The following RAB34 variants were observed in gnomAD, a reference collection of about 807,000 sequenced individuals.
RAB34 encodes ras-related protein Rab-34.
RAB34 carries 33 observed loss-of-function variants against 39.0 expected under a neutral mutation model. That is an observed-to-expected ratio of 0.85 (90% CI 0.64 to 1.13). RAB34 has a LOEUF of 1.13. Ranked by LOEUF, RAB34 falls within the 50% of genes most tolerant of loss-of-function variation. The pLI, the probability that RAB34 is intolerant of heterozygous loss-of-function variation, is 0.00. For synonymous variants in RAB34, 135 were observed against 125.1 expected (o/e 1.08, Z -0.53); for missense variants, 289 against 326.1 (o/e 0.89, Z 0.88).
chr17:28,718,171 G>A, upstream of RAB34: 1 of 1,609,384 alleles, frequency 6.2e-7, no homozygotes, highest in Non-Finnish European at 8.5e-7. Context: ...AGCATCTGGC[G>A]ATGCCAGGAA....
chr17:28,716,094 C>T (rs371666504), intron 2 of RAB34, 36 bp from the exon 3 acceptor site: 157 of 1,612,676 alleles, frequency 9.7e-5, no homozygotes, highest in African/African-American at 1.3e-4. Context: ...GGAGTGGGCA[C>T]GAGCTCTTTC....
Position 28,717,850 on chromosome 17 carries a change from C to G in RAB34, c.-584G>C. 7 of 1,347,394 alleles carry G rather than the reference C, an allele frequency of 5.2e-6. No homozygotes were observed. The highest frequency in any genetic ancestry group is 6.6e-6 in the Non-Finnish European group (7 of 1,057,064). The allele number at this position is 1,347,394 out of a possible 1,614,324, so 83.5% of individuals were successfully genotyped here. A position where few individuals can be genotyped will look rare whatever the true frequency, so the allele number is the denominator to read the frequency against. On this transcript the variant is annotated 5_prime_UTR_variant, in exon 1 of 10. Coordinates refer to ENST00000395245, the MANE Select transcript of RAB34 (RefSeq NM_031934.6). ...ACAGGGCCTCGAGTCCCACTCCGCT[C>G]GGGCTCCGCCAACGCTGTAACACGA...
intron 2 of RAB34, chr17:28,716,603 C>G (rs1229855379): frequency 8.8e-6 from 3 of 339,038 alleles, no homozygotes; most frequent in Non-Finnish European, 1.6e-5. Context: ...AGCCAGACCC[C>G]TGCCCTGGGG....
chr17:28,718,359 G>T, upstream of RAB34: 2 of 1,081,718 alleles, frequency 1.8e-6, no homozygotes, highest in Non-Finnish European at 2.6e-6. Context: ...GGGTTAGAAT[G>T]AGGTGCCCAC....
Position 28,714,470 on chromosome 17 carries a change from G to GCT in RAB34, c.*172_*173insAG. ...TCCAGTCTTTGGCACGGTGCCTGGGGGCAGGAAGTGACTAGCATGATCCCA... is the reference window on the plus strand; with the variant it reads ...TCCAGTCTTTGGCACGGTGCCTGGGGCTGCAGGAAGTGACTAGCATGATCCCA... On this transcript the variant is annotated 3_prime_UTR_variant, in exon 10 of 10. Coordinates refer to ENST00000395245, the MANE Select transcript of RAB34 (RefSeq NM_031934.6). The GCT allele has an allele frequency of 6.9e-7, 1 of 1,442,904 alleles. No homozygotes were observed. The highest frequency in any genetic ancestry group is 9.7e-7 in the Non-Finnish European group (1 of 1,031,524). 89.4% of individuals were successfully genotyped at this position (1,442,904 alleles called of 1,614,324 possible).
At chr17:28,718,015 G>T, upstream of RAB34, 1 of 1,319,474 alleles carries the variant, frequency 7.6e-7, no homozygotes, top group Non-Finnish European at 1.0e-6. Context: ...GCTTCACCGG[G>T]CACCAGGACC....
chr17:28,714,653 CAT>C lies in RAB34; in HGVS notation c.768_769del (p.Cys257LeufsTer27). On this transcript the variant is annotated frameshift_variant, in exon 10 of 10. Coordinates refer to ENST00000395245, the MANE Select transcript of RAB34 (RefSeq NM_031934.6). LOFTEE classifies it high-confidence loss of function. ...CAGTCTCCTCAGCCCTCATGGGCAA[CAT>C]GTGGGCTTCTTCTTGCTGGCAGTTA... 6.2e-7 allele frequency: 1 copy of C among 1,614,142 alleles called. No homozygotes were observed. The highest frequency in any genetic ancestry group is 8.5e-7 in the Non-Finnish European group (1 of 1,180,006).
At chr17:28,715,358 CTCTGGTCCTACATGCAT>C in intron 6 of RAB34, 81 bp downstream of exon 6, 1 of 1,583,200 alleles carries the variant, frequency 6.3e-7, no homozygotes, top group Non-Finnish European at 8.6e-7. Context: ...ATTACCCCCT[CTCTGGTCCTACATGCAT>C]TCTTCTTCTT....
Position 28,715,839 on chromosome 17 carries a change from T to A in RAB34, c.275A>T (p.Glu92Val). 6.2e-7 allele frequency: 1 copy of A among 1,613,982 alleles called. No homozygotes were observed. The highest frequency in any genetic ancestry group is 8.5e-7 in the Non-Finnish European group (1 of 1,179,980). Residue 92 changes from glutamate to valine, a missense_variant, in exon 4 of 10, where the codon GAA becomes GTA. Coordinates refer to ENST00000395245, the MANE Select transcript of RAB34 (RefSeq NM_031934.6). ...GGGAATGCCCAGCACCTCAAATCGTTCCATCTCGAAGTCCACTCCAATGGT... is the reference window on the plus strand; with the variant it reads ...GGGAATGCCCAGCACCTCAAATCGTACCATCTCGAAGTCCACTCCAATGGT... ...KATIGVDFEM[E>V]RFEVLGIPFS...
chr17:28,716,619 T>C, intron 2 of RAB34: 2 of 349,792 alleles, frequency 5.7e-6, no homozygotes, highest in South Asian at 9.5e-5. Context: ...TGGGGCTCCA[T>C]GGATGCTATG....
chr17:28,714,443 C>T lies in RAB34; in HGVS notation c.*200G>A. On this transcript the variant is annotated 3_prime_UTR_variant, in exon 10 of 10. Transcript: ENST00000395245. ...GGACAGTCCCCTGAGGAGTAGGGGG[C>T]ATCCAGTCTTTGGCACGGTGCCTGG... is the stretch of plus-strand genomic sequence containing the variant. 9.0e-7 allele frequency: 1 copy of T among 1,106,506 alleles called. No individual in the cohort carries two copies. Among genetic ancestry groups the T allele is most frequent in the Non-Finnish European group, 1.3e-6 (1 of 742,776 alleles). The allele number at this position is 1,106,506 out of a possible 1,614,324, so 68.5% of individuals were successfully genotyped here. A position where few individuals can be genotyped will look rare whatever the true frequency, so the allele number is the denominator to read the frequency against.
In RAB34 at chr17:28,716,062, CT is replaced by C; in HGVS notation, c.147-5del. On this transcript the variant is annotated splice_polypyrimidine_tract_variant and splice_region_variant and intron_variant, in intron 2 of 9. Coordinates refer to ENST00000395245, the MANE Select transcript of RAB34 (RefSeq NM_031934.6). ...AATGACCTTGGAGATCTTAAATCTGCTGGACACAAGAGTGGGCAAGGGGAGT... is the reference window on the plus strand; with the variant it reads ...AATGACCTTGGAGATCTTAAATCTGCGGACACAAGAGTGGGCAAGGGGAGT... The C allele has an allele frequency of 1.9e-6, 3 of 1,613,930 alleles. No individual in the cohort carries two copies. The highest frequency in any genetic ancestry group is 2.5e-6 in the Non-Finnish European group (3 of 1,180,004).
At chr17:28,717,145 T>C in intron 1 of RAB34, 68 bp downstream of exon 1, 1 of 1,540,680 alleles carries the variant, frequency 6.5e-7, no homozygotes. Flanking sequence ...CTAACTGGTC[T>C]GGTGCCGCCT....
In RAB34 at chr17:28,717,311, G is replaced by A. The variant is rs1396371970; in HGVS notation, c.-45C>T. 1.9e-6 allele frequency: 3 copies of A among 1,556,472 alleles called. No homozygotes were observed. Among genetic ancestry groups the A allele is most frequent in the Non-Finnish European group, 2.6e-6 (3 of 1,155,136 alleles). On this transcript the variant is annotated 5_prime_UTR_variant, in exon 1 of 10. Coordinates refer to ENST00000395245, the MANE Select transcript of RAB34 (RefSeq NM_031934.6). ...GGCGCCCTGAGAAGGCGCCGAGGCC[G>A]GATCCGCGTCAGCGACCCGGGCGCG... is the stretch of plus-strand genomic sequence containing the variant.
Position 28,716,022 on chromosome 17 carries a change from C to G in RAB34, c.183G>C (p.Leu61=). The change falls in exon 3 of 10, where the codon CTG becomes CTC. Residue 61 remains leucine, a synonymous_variant. Coordinates refer to ENST00000395245, the MANE Select transcript of RAB34 (RefSeq NM_031934.6). ...KISKVIVVGD[L]SVGKTCLINR... ...TAATGAGGCAAGTCTTCCCCACCGA[C>G]AGGTCCCCCACCACAATGACCTTGG... The G allele has an allele frequency of 6.2e-7, 1 of 1,614,060 alleles. No individual in the cohort carries two copies. Among genetic ancestry groups the G allele is most frequent in the Non-Finnish European group, 8.5e-7 (1 of 1,180,030 alleles).
At chr17:28,716,165 G>A (rs2033399118) in intron 2 of RAB34, 107 bp from the exon 3 acceptor site, 2 of 1,519,712 alleles carry the variant, frequency 1.3e-6, no homozygotes, top group East Asian at 2.3e-5. Context: ...CCAGGCTGAG[G>A]GTATTATAGA....
chr17:28,714,835 C>A lies in RAB34; in HGVS notation c.670G>T (p.Glu224Ter). The change falls in exon 9 of 10, where the codon GAG (glutamate) becomes TAG (stop). Residue 224 changes from glutamate (E) to a stop codon, truncating the protein, a stop_gained. Coordinates refer to ENST00000395245, the MANE Select transcript of RAB34 (RefSeq NM_031934.6). LOFTEE classifies it high-confidence loss of function. ...ALTFEANVLA[E>*]LEKSGARRIG... ...CGTCGAGCCCCCGATTTCTCCAGCT[C>A]AGCCAGCACATTGGCCTCAAAGGTC... 1 of 1,614,168 alleles carries A rather than the reference C, an allele frequency of 6.2e-7. No homozygotes were observed. The highest frequency in any genetic ancestry group is 8.5e-7 in the Non-Finnish European group (1 of 1,180,042).
intron 1 of RAB34, 62 bp downstream of exon 1, chr17:28,717,151 C>A: frequency 6.5e-7 from 1 of 1,545,170 alleles, no homozygotes; most frequent in Admixed American, 1.9e-5. Flanking sequence ...GGTCTGGTGC[C>A]GCCTCCTCCT....
rs755538638 is a variant in RAB34 at position 28,715,119 on chromosome 17, G to A, written c.517C>T (p.Pro173Ser). Residue 173 changes from proline (P) to serine (S), a missense_variant, in exon 8 of 10, where the codon CCT becomes TCT. Pro to Ser is a moderately conservative substitution (Grantham distance 74). Transcript: ENST00000395245. ...LVGSKKDLST[P>S]AQYALMEKDA... is the part of the protein sequence containing the mutation. Reference sequence around the variant, plus strand: ...TTCTCCATCAGCGCATACTGAGCAGGGGTCTGAGGGAAGGCCAGAGTCAGA... The same window carrying A: ...TTCTCCATCAGCGCATACTGAGCAGAGGTCTGAGGGAAGGCCAGAGTCAGA... 2 of 1,614,104 alleles carry A rather than the reference G, an allele frequency of 1.2e-6. No individual in the cohort carries two copies. The highest frequency in any genetic ancestry group is 1.7e-6 in the Non-Finnish European group (2 of 1,180,016).
Sources: gnomAD v4.1 joint callset for allele counts on GRCh38, gnomAD v4.1.1 for gene constraint, MANE v1.5 for transcripts, NCBI Gene and HGNC (gene_info 2026-07-23, HGNC 2026-07-21) for gene names.